Variants in KIF6 observed in about 807,000 individuals in gnomAD.
KIF6 encodes kinesin-like protein KIF6.
Under a neutral mutation model 112.7 loss-of-function variants are expected in KIF6, and 106 were observed. The observed-to-expected ratio is 0.94, with a 90% CI of 0.80 to 1.11. The LOEUF is 1.11. Ranked by LOEUF, KIF6 falls within the 50% of genes least tolerant of loss-of-function variation. KIF6 has a pLI of 0.00. For synonymous variants in KIF6, 339 were observed against 339.9 expected (o/e 1.00, Z 0.03); for missense variants, 929 against 964.0 (o/e 0.96, Z 0.48).
At chr6:39,576,497 CT>C (rs1191106153) in intron 10 of KIF6, among the ~76,000 whole-genome samples, 7 of 152,270 alleles carry the variant, frequency 4.6e-5, no homozygotes, top group Non-Finnish European at 1.5e-5. Context: ...CATTCCTAGA[CT>C]TTTTTAGCAA....
chr6:39,500,011 G>A (rs1287766070), intron 13 of KIF6, among the ~76,000 whole-genome samples: 3 of 152,220 alleles, frequency 2.0e-5, no homozygotes, highest in Non-Finnish European at 4.4e-5. Context: ...GAGTGGTGGA[G>A]ATGATGTGTA....
intron 3 of KIF6, among the ~76,000 whole-genome samples, chr6:39,703,567 C>T (rs1789010453): frequency 6.6e-6 from 1 of 151,930 alleles, no homozygotes; most frequent in African/African-American, 2.4e-5. Flanking sequence ...AAATTTGTTC[C>T]TATTATTTAG....
At chr6:39,457,427 C>T (rs1184095679) in intron 13 of KIF6, among the ~76,000 whole-genome samples, 1 of 142,158 alleles carries the variant, frequency 7.0e-6, no homozygotes, top group Non-Finnish European at 1.5e-5. Flanking sequence ...AGGAAAGATC[C>T]AAAATTGACA....
intron 19 of KIF6, among the ~76,000 whole-genome samples, chr6:39,348,689 G>A (rs962918715): frequency 2.6e-5 from 4 of 152,158 alleles, no homozygotes; most frequent in African/African-American, 9.7e-5. Flanking sequence ...TAGTAATTAG[G>A]CCTTCTGGGT....
At chr6:39,651,784 C>A (rs1217554910) in intron 3 of KIF6, among the ~76,000 whole-genome samples, 1 of 152,172 alleles carries the variant, frequency 6.6e-6, no homozygotes, top group Non-Finnish European at 1.5e-5. Context: ...AAAAATACAT[C>A]TCATGAAGCT....
chr6:39,492,710 T>C (rs1388270502), intron 13 of KIF6, among the ~76,000 whole-genome samples: 2 of 152,218 alleles, frequency 1.3e-5, no homozygotes, highest in East Asian at 1.9e-4. Flanking sequence ...GAATATCCAT[T>C]GTATGTTATA....
intron 19 of KIF6, among the ~76,000 whole-genome samples, chr6:39,348,551 C>T (rs760750754): frequency 1.8e-4 from 28 of 152,144 alleles, no homozygotes; most frequent in Admixed American, 1.3e-4. Context: ...TGACCTCTGC[C>T]CTCTCCCTTT....
intron 13 of KIF6, among the ~76,000 whole-genome samples, chr6:39,516,396 A>G (rs1030304115): frequency 6.7e-6 from 1 of 148,428 alleles, no homozygotes; most frequent in African/African-American, 2.4e-5. Context: ...TATCTTATGT[A>G]TTATATGTAA....
intron 13 of KIF6, among the ~76,000 whole-genome samples, chr6:39,524,021 T>C (rs888378482): frequency 6.6e-6 from 1 of 152,096 alleles, no homozygotes; most frequent in African/African-American, 2.4e-5. Context: ...ATGTCTTATG[T>C]TCTCCACCTC....
intron 13 of KIF6, among the ~76,000 whole-genome samples, chr6:39,531,442 G>A (rs912611441): frequency 2.6e-5 from 4 of 152,088 alleles, no homozygotes; most frequent in Non-Finnish European, 4.4e-5. Context: ...GAAAAGGCCT[G>A]GCACACAACA....
intron 13 of KIF6, among the ~76,000 whole-genome samples, chr6:39,529,192 C>A (rs1296030510): frequency 6.6e-6 from 1 of 152,072 alleles, no homozygotes; most frequent in Non-Finnish European, 1.5e-5. Context: ...TTATCTGAAA[C>A]TGAAAAATTA....
intron 9 of KIF6, among the ~76,000 whole-genome samples, chr6:39,581,270 C>T (rs997701392): frequency 6.7e-5 from 10 of 148,938 alleles, no homozygotes; most frequent in African/African-American, 1.7e-4. Flanking sequence ...CAGGTTCAAG[C>T]GATTTTCCTG....
At chr6:39,522,206 G>C (rs1028770742) in intron 13 of KIF6, among the ~76,000 whole-genome samples, 1 of 152,192 alleles carries the variant, frequency 6.6e-6, no homozygotes, top group Non-Finnish European at 1.5e-5. Flanking sequence ...AGAGGGGCCA[G>C]AGACAGTGTT....
At chr6:39,605,316 C>CT (rs923540574) in intron 6 of KIF6, among the ~76,000 whole-genome samples, 9 of 151,836 alleles carry the variant, frequency 5.9e-5, no homozygotes, top group Non-Finnish European at 1.2e-4. Context: ...GAATTTTTTT[C>CT]TTTTTTCTCT....
chr6:39,421,744 T>G (rs1378637326), intron 14 of KIF6, among the ~76,000 whole-genome samples: 1 of 152,162 alleles, frequency 6.6e-6, no homozygotes, highest in African/African-American at 2.4e-5. Flanking sequence ...AGGCTCATCG[T>G]AGATTATGTA....
At chr6:39,488,172 A>T (rs748582347) in intron 13 of KIF6, among the ~76,000 whole-genome samples, 3 of 152,224 alleles carry the variant, frequency 2.0e-5, no homozygotes, top group African/African-American at 7.2e-5. Context: ...GTCGACACTT[A>T]GTTTGACAGA....
intron 14 of KIF6, among the ~76,000 whole-genome samples, chr6:39,426,138 C>T (rs967113423): frequency 5.9e-5 from 9 of 152,190 alleles, no homozygotes; most frequent in Non-Finnish European, 1.2e-4. Flanking sequence ...GCTTGCAGTG[C>T]CTGGGCACTG....
At chr6:39,512,686 C>T (rs1216096637) in intron 13 of KIF6, among the ~76,000 whole-genome samples, 1 of 152,182 alleles carries the variant, frequency 6.6e-6, no homozygotes, top group East Asian at 1.9e-4. Flanking sequence ...TACAGGCCCA[C>T]CCTAAGCTTC....
intron 7 of KIF6, among the ~76,000 whole-genome samples, chr6:39,590,534 C>T (rs1454077057): frequency 6.7e-6 from 1 of 149,812 alleles, no homozygotes; most frequent in East Asian, 2.0e-4. Flanking sequence ...TCACTGGAAC[C>T]TCTGCCTCCT....
Sources: allele counts gnomAD v4.1 joint callset (sites outside exome capture counted in the v4.1 genomes callset), GRCh38; gene constraint gnomAD v4.1.1; transcripts MANE v1.5; gene names NCBI Gene and HGNC (gene_info 2026-07-23, HGNC 2026-07-21).